AADAT: variants seen among roughly 807,000 people sequenced by gnomAD.
The protein encoded by AADAT is kynurenine/alpha-aminoadipate aminotransferase, mitochondrial.
A neutral mutation model predicts 56.2 loss-of-function variants in AADAT; 25 were observed. That is an observed-to-expected ratio of 0.44 (90% CI 0.32 to 0.62). The LOEUF (loss-of-function observed/expected upper bound fraction) is 0.62, where lower values mean the gene tolerates loss of function less well. AADAT is among the 20% of genes least tolerant of loss of function. The pLI, the probability that AADAT is intolerant of heterozygous loss-of-function variation, is 0.04. For synonymous variants in AADAT, 173 were observed against 164.7 expected (o/e 1.05, Z -0.39); for missense variants, 387 against 510.5 (o/e 0.76, Z 2.33).
chr4:170,063,279 A>T (rs1478677470), intron 11 of AADAT, among the ~76,000 whole-genome samples: 1 of 152,210 alleles, frequency 6.6e-6, no homozygotes, highest in Admixed American at 6.5e-5. Context: ...CTGGGCTGAC[A>T]AAGTGGGGAT....
chr4:170,082,336 C>T (rs896283356), intron 3 of AADAT, among the ~76,000 whole-genome samples: 12 of 151,846 alleles, frequency 7.9e-5, no homozygotes, highest in Non-Finnish European at 1.2e-4. Context: ...ATAAGTTGAT[C>T]CAAGATAAGT....
At chr4:170,061,857 AGC>A in intron 12 of AADAT, 33 bp downstream of exon 12, 1 of 1,483,098 alleles carries the variant, frequency 6.7e-7, no homozygotes, top group Non-Finnish European at 9.3e-7. Context: ...CAGAACTGCT[AGC>A]TAGTGTTACT....
rs1471887450 is a variant in AADAT at position 170,087,169 on chromosome 4, G to T, written c.316C>A (p.Gln106Lys). The change falls in exon 3 of 13, where the codon CAA becomes AAA. Residue 106 changes from glutamine (Q) to lysine (K), a missense_variant. By Grantham distance (53) the Gln-to-Lys change is moderately conservative. Coordinates refer to ENST00000337664, the MANE Select transcript of AADAT (RefSeq NM_016228.4). ...GTGACACATAGATCCATTTGTCCTT[G>T]ACTGGGTGGGTAATGGATGGTAGGA... ...NPPTIHYPPSQGQMDLCVTSG... is the reference protein window; with the variant it reads ...NPPTIHYPPSKGQMDLCVTSG... The T allele has an allele frequency of 6.2e-7, 1 of 1,614,116 alleles. No homozygotes were observed.
intron 4 of AADAT, among the ~76,000 whole-genome samples, chr4:170,074,041 T>A (rs1165893808): frequency 1.3e-5 from 2 of 152,174 alleles, no homozygotes; most frequent in Non-Finnish European, 2.9e-5. Context: ...TCTGTCAATC[T>A]GGGGCTTAGA....
chr4:170,069,092 G>A (rs937704113), intron 7 of AADAT, 56 bp downstream of exon 7: 4 of 1,435,274 alleles, frequency 2.8e-6, no homozygotes, highest in African/African-American at 2.9e-5. Flanking sequence ...AAGATACTGA[G>A]GTACTATCTC....
intron 8 of AADAT, 133 bp from the exon 9 acceptor site, chr4:170,067,521 G>C: frequency 1.7e-6 from 1 of 599,538 alleles, no homozygotes; most frequent in Non-Finnish European, 3.0e-6. Context: ...AGCTTATATA[G>C]TCAGTGATTT....
intron 3 of AADAT, among the ~76,000 whole-genome samples, chr4:170,085,170 TGAC>T (rs1015754195): frequency 1.1e-4 from 16 of 152,368 alleles, no homozygotes; most frequent in Admixed American, 3.9e-4. Context: ...ATGTGTTAAT[TGAC>T]TATATTATCA....
In AADAT at chr4:170,087,063, G is replaced by A. The variant is rs1024768949; in HGVS notation, c.369+53C>T. 1.3e-5 allele frequency: 21 copies of A among 1,606,484 alleles called. No individual in the cohort carries two copies. The Admixed American group carries it at 1.4e-4, about 10-fold the overall frequency. Reference sequence around the variant, plus strand: ...TGTGGTTAAGTGCGAGAGGACTATAGAAATGAATGCTTCCAATTCTACATT... The same window carrying A: ...TGTGGTTAAGTGCGAGAGGACTATAAAAATGAATGCTTCCAATTCTACATT... On this transcript the variant is annotated intron_variant, in intron 3 of 12. Coordinates refer to ENST00000337664, the MANE Select transcript of AADAT (RefSeq NM_016228.4).
intron 4 of AADAT, among the ~76,000 whole-genome samples, chr4:170,077,304 T>G (rs1304331073): frequency 6.6e-6 from 1 of 152,174 alleles, no homozygotes; most frequent in East Asian, 1.9e-4. Flanking sequence ...TTAACAATAT[T>G]AAGTCTTCCA....
At chr4:170,093,538 G>A (rs140826065), upstream of AADAT, among the ~76,000 whole-genome samples, 78 of 152,274 alleles carry the variant, frequency 5.1e-4, 1 homozygote, top group African/African-American at 1.8e-3. Flanking sequence ...GTTTTTGTAA[G>A]CACGTTGATG....
At chr4:170,087,788 G>T (rs893239798) in intron 2 of AADAT, among the ~76,000 whole-genome samples, 3 of 151,720 alleles carry the variant, frequency 2.0e-5, no homozygotes, top group African/African-American at 7.3e-5. Context: ...ACTTGAAGAA[G>T]ACCAGCTAAG....
upstream of AADAT, chr4:170,089,967 G>A (rs1319403789): frequency 7.8e-6 from 2 of 255,558 alleles, no homozygotes; most frequent in East Asian, 1.6e-4. Context: ...GCGGCCGCCA[G>A]GGCCCAGGCC....
In AADAT at chr4:170,061,903, G is replaced by C. The variant is rs1731208176; in HGVS notation, c.1225C>G (p.Gln409Glu). The part of the protein sequence containing the change: ...RASFSSASPE[Q>E]MDVAFQVLAQ... Reference sequence around the variant, plus strand: ...AATACTACACTCACCACATCCATCTGTTCTGGAGAAGCTGAAGAGAAGGAT... The same window carrying C: ...AATACTACACTCACCACATCCATCTCTTCTGGAGAAGCTGAAGAGAAGGAT... Residue 409 changes from glutamine to glutamate, a missense_variant, in exon 12 of 13, where the codon CAG (glutamine) becomes GAG (glutamate). Physicochemically the swap from Gln to Glu is conservative, Grantham distance 29. Transcript: ENST00000337664. 1.9e-6 allele frequency: 3 copies of C among 1,612,170 alleles called. No individual in the cohort carries two copies. The highest frequency in any genetic ancestry group is 2.5e-6 in the Non-Finnish European group (3 of 1,178,622).
intron 8 of AADAT, among the ~76,000 whole-genome samples, chr4:170,067,694 A>G (rs1731539101): frequency 6.6e-6 from 1 of 152,168 alleles, no homozygotes; most frequent in African/African-American, 2.4e-5. Flanking sequence ...GGTTAAGTTA[A>G]CTTTTCTGAG....
chr4:170,074,805 C>T (rs1731956852), intron 4 of AADAT, among the ~76,000 whole-genome samples: 1 of 151,916 alleles, frequency 6.6e-6, no homozygotes, highest in South Asian at 2.1e-4. Context: ...CTGGCTTGTA[C>T]TGGCATTGCT....
intron 11 of AADAT, among the ~76,000 whole-genome samples, chr4:170,062,680 G>A (rs1731252571): frequency 6.6e-6 from 1 of 152,098 alleles, no homozygotes; most frequent in African/African-American, 2.4e-5. Context: ...CCTATTCCCC[G>A]GCCTCTTTCT....
At chr4:170,084,898 T>C (rs1019621615) in intron 3 of AADAT, among the ~76,000 whole-genome samples, 1 of 152,174 alleles carries the variant, frequency 6.6e-6, no homozygotes, top group African/African-American at 2.4e-5. Context: ...TTGAACAACA[T>C]AGATTTGAAC....
intron 11 of AADAT, among the ~76,000 whole-genome samples, chr4:170,063,410 A>T (rs905282938): frequency 6.6e-6 from 1 of 152,234 alleles, no homozygotes; most frequent in Non-Finnish European, 1.5e-5. Context: ...CGCCTCGCTT[A>T]GACATACCTA....
chr4:170,086,245 C>CA (rs60150011), intron 3 of AADAT, among the ~76,000 whole-genome samples: 2,498 of 110,722 alleles, frequency 0.023, 56 homozygotes, highest in African/African-American at 0.069. Flanking sequence ...GACCCTGTCT[C>CA]AAAAAAAAAA....
Sources: allele counts gnomAD v4.1 joint callset (sites outside exome capture counted in the v4.1 genomes callset), GRCh38; gene constraint gnomAD v4.1.1; transcripts MANE v1.5; gene names NCBI Gene and HGNC (gene_info 2026-07-23, HGNC 2026-07-21).